CAPS2: variants seen among roughly 807,000 people sequenced by gnomAD.
CAPS2 encodes the protein calcyphosin-2.
CAPS2 carries 98 observed loss-of-function variants against 86.5 expected under a neutral mutation model. The ratio of observed to expected loss-of-function variants is 1.13; its 90% confidence interval spans 0.96 to 1.34. CAPS2 has a LOEUF of 1.34. Ranked by LOEUF, CAPS2 falls within the 40% of genes most tolerant of loss-of-function variation. The probability of loss-of-function intolerance (pLI) is 0.00; values close to 1 mark genes in which losing one functional copy is unlikely to be tolerated. For synonymous variants in CAPS2, 210 were observed against 225.1 expected, an observed-to-expected ratio of 0.93 and a Z score of 0.60; for missense variants, 729 against 686.8, an observed-to-expected ratio of 1.06 and a Z score of -0.69.
At chr12:75,343,723 A>T in intron 1 of CAPS2, 2 of 1,611,668 alleles carry the variant, frequency 1.2e-6, no homozygotes, top group Non-Finnish European at 1.7e-6. Context: ...AAAGATGGCT[A>T]AAGCATGGGC....
At chr12:75,364,408 A>G (rs2043827118) in intron 1 of CAPS2, among the ~76,000 whole-genome samples, 1 of 152,240 alleles carries the variant, frequency 6.6e-6, no homozygotes, top group Non-Finnish European at 1.5e-5. Context: ...CATTTACTTT[A>G]TCGCATAGTG....
chr12:75,282,643 T>C (rs2138058072), intron 15 of CAPS2, among the ~76,000 whole-genome samples: 1 of 152,300 alleles, frequency 6.6e-6, no homozygotes, highest in South Asian at 2.1e-4. Flanking sequence ...CGCCTCGGCC[T>C]CCCAAAGTAC....
chr12:75,382,907 A>G (rs190692905), intron 1 of CAPS2, among the ~76,000 whole-genome samples: 1,746 of 152,338 alleles, frequency 0.011, 22 homozygotes, highest in Middle Eastern at 0.017. Flanking sequence ...GTAAAGAAAT[A>G]AATGACTCTG....
chr12:75,298,847 T>C (rs1593338070), intron 10 of CAPS2, 24 bp downstream of exon 10: 1 of 1,594,372 alleles, frequency 6.3e-7, no homozygotes, highest in East Asian at 2.2e-5. Flanking sequence ...ATCTCCAGAG[T>C]TCTAACAATG....
At chr12:75,324,782 C>G (rs2040612322) in intron 2 of CAPS2, among the ~76,000 whole-genome samples, 1 of 151,638 alleles carries the variant, frequency 6.6e-6, no homozygotes, top group African/African-American at 2.4e-5. Context: ...AAATAACATG[C>G]AACATAAAAC....
downstream of CAPS2, chr12:75,276,128 C>A (rs1267607808): frequency 5.6e-6 from 8 of 1,419,416 alleles, no homozygotes; most frequent in South Asian, 3.0e-5. Flanking sequence ...GTCCACCCTG[C>A]AGATTGTCTT....
At chr12:75,332,208 G>A (rs943653302), upstream of CAPS2, among the ~76,000 whole-genome samples, 3 of 152,160 alleles carry the variant, frequency 2.0e-5, no homozygotes, top group African/African-American at 7.2e-5. Flanking sequence ...GTTACAGGCA[G>A]TTAATTTCTC....
rs1185408752 is a variant in CAPS2, at chr12:75,341,747, C to CTTTTTTTTT, written c.-394-18534_-394-18526dup. On this transcript the variant is annotated intron_variant, in intron 1 of 5. Transcript: ENST00000551829. ...AGGCGTGAGCCACCGCGCCCGGCCT[C>CTTTTTTTTT]TTTTTTTTTTTTTTTTTTTTTTTTG... is the stretch of plus-strand genomic sequence containing the variant. 1.4e-4 allele frequency among the ~76,000 whole-genome samples: 12 copies of CTTTTTTTTT among 83,406 alleles called. 1 individual carries two copies. Among genetic ancestry groups the CTTTTTTTTT allele is most frequent in the African/African-American group, 5.8e-4 (11 of 18,866 alleles). 54.7% of individuals were successfully genotyped at this position (83,406 alleles called of 152,430 possible).
At chr12:75,331,159 T>G (rs2041273262), upstream of CAPS2, among the ~76,000 whole-genome samples, 1 of 152,156 alleles carries the variant, frequency 6.6e-6, no homozygotes, top group Non-Finnish European at 1.5e-5. Flanking sequence ...AAAGCTGGTT[T>G]GAGATAATTC....
chr12:75,325,195 T>C (rs367946047), intron 2 of CAPS2, 44 bp downstream of exon 3: 107 of 1,516,408 alleles, frequency 7.1e-5, no homozygotes, highest in South Asian at 8.9e-5. Flanking sequence ...GTATGTTATA[T>C]ATGTGCCCAT....
chr12:75,333,956 T>C (rs537296413), upstream of CAPS2: 8 of 152,280 alleles, frequency 5.3e-5, no homozygotes, highest in South Asian at 2.1e-4. Flanking sequence ...GCAGGTAAAA[T>C]AGACAATCAA....
At chr12:75,326,391 G>T in intron 1 of CAPS2, 27 bp downstream of exon 2, 1 of 917,788 alleles carries the variant, frequency 1.1e-6, no homozygotes. Flanking sequence ...CATCCTGAAA[G>T]AAGAAAATTA....
At chr12:75,277,183 A>G, downstream of CAPS2, 1 of 978,692 alleles carries the variant, frequency 1.0e-6, no homozygotes, top group South Asian at 4.8e-5. Flanking sequence ...TGTCATGTTA[A>G]CACGTTACAT....
intron 1 of CAPS2, among the ~76,000 whole-genome samples, chr12:75,361,412 G>C (rs1167655658): frequency 6.6e-6 from 1 of 152,152 alleles, no homozygotes; most frequent in Non-Finnish European, 1.5e-5. Flanking sequence ...AACTGTCTTT[G>C]GCTTGAAGGT....
upstream of CAPS2, among the ~76,000 whole-genome samples, chr12:75,330,647 A>G (rs1033233096): frequency 1.3e-5 from 2 of 152,160 alleles, no homozygotes; most frequent in African/African-American, 4.8e-5. Flanking sequence ...AATTTGTGTG[A>G]CTATGTACAT....
intron 14 of CAPS2, among the ~76,000 whole-genome samples, chr12:75,285,942 T>C (rs532942643): frequency 1.3e-5 from 2 of 152,026 alleles, no homozygotes; most frequent in Admixed American, 6.6e-5. Flanking sequence ...ATAAATCCCT[T>C]ATGCCAGTTT....
upstream of CAPS2, among the ~76,000 whole-genome samples, chr12:75,328,567 G>C (rs1457090751): frequency 1.3e-5 from 2 of 152,054 alleles, no homozygotes; most frequent in African/African-American, 2.4e-5. Flanking sequence ...TAAATATTTT[G>C]TTAATAAGTA....
At chr12:75,326,516 T>C, upstream of CAPS2, 3 of 1,473,150 alleles carry the variant, frequency 2.0e-6, no homozygotes, top group African/African-American at 1.4e-5. Context: ...CCTGTGTTTA[T>C]CATGCAGTAT....
chr12:75,359,527 A>C (rs1159999278), intron 1 of CAPS2, among the ~76,000 whole-genome samples: 1 of 151,790 alleles, frequency 6.6e-6, no homozygotes, highest in Admixed American at 6.6e-5. Context: ...AATAGAATAA[A>C]TTTAAAGGAC....
Sources: allele counts gnomAD v4.1 joint callset (sites outside exome capture counted in the v4.1 genomes callset), GRCh38; gene constraint gnomAD v4.1.1; transcripts MANE v1.5; gene names NCBI Gene and HGNC (gene_info 2026-07-23, HGNC 2026-07-21).